GPRC6A: variants seen among roughly 807,000 people sequenced by gnomAD.
The protein encoded by GPRC6A is G protein-coupled receptor family C group 6 member A.
GPRC6A carries 54 observed loss-of-function variants against 47.0 expected under a neutral mutation model. The ratio of observed to expected loss-of-function variants is 1.15; its 90% CI spans 0.92 to 1.44. The LOEUF (loss-of-function observed/expected upper bound fraction) is 1.44, where lower values mean the gene tolerates loss of function less well. Among genes scored for constraint, GPRC6A ranks in the 40% most tolerant of loss-of-function variants. The probability of loss-of-function intolerance (pLI) is 0.00; values close to 1 mark genes in which losing one functional copy is unlikely to be tolerated. For synonymous variants in GPRC6A, 347 were observed against 377.1 expected (o/e 0.92, Z 0.93); for missense variants, 1,112 against 1,105.5 (o/e 1.01, Z -0.08).
At chr6:116,820,189 C>A (rs1773411350) in intron 1 of GPRC6A, among the ~76,000 whole-genome samples, 1 of 151,856 alleles carries the variant, frequency 6.6e-6, no homozygotes. Context: ...AGACCAATAA[C>A]AGGATCTGAA....
At chr6:116,823,128 C>G (rs1461450517) in intron 1 of GPRC6A, among the ~76,000 whole-genome samples, 1 of 152,040 alleles carries the variant, frequency 6.6e-6, no homozygotes, top group East Asian at 1.9e-4. Flanking sequence ...TTTTCTAACA[C>G]ATGGCTGGGC....
chr6:116,825,395 A>T (rs1190069194), intron 1 of GPRC6A, among the ~76,000 whole-genome samples: 2 of 152,030 alleles, frequency 1.3e-5, no homozygotes, highest in Non-Finnish European at 2.9e-5. Flanking sequence ...AAGTTGCAGG[A>T]TACAATATCA....
At chr6:116,797,894 T>C (rs1772538698) in intron 4 of GPRC6A, among the ~76,000 whole-genome samples, 1 of 152,190 alleles carries the variant, frequency 6.6e-6, no homozygotes, top group African/African-American at 2.4e-5. Context: ...AATGGCTACG[T>C]TTCTGTCTTT....
intron 1 of GPRC6A, among the ~76,000 whole-genome samples, chr6:116,820,847 A>G (rs1199144114): frequency 1.1e-4 from 17 of 151,038 alleles, no homozygotes; most frequent in African/African-American, 4.1e-4. Flanking sequence ...TAGTGTTGGA[A>G]GTTCTGGCCA....
At chr6:116,818,005 T>C (rs1448962777) in intron 1 of GPRC6A, among the ~76,000 whole-genome samples, 48 of 151,956 alleles carry the variant, frequency 3.2e-4, no homozygotes, top group African/African-American at 5.1e-4. Flanking sequence ...GGCAGGCCAA[T>C]GTTCAGATTC....
intron 1 of GPRC6A, among the ~76,000 whole-genome samples, chr6:116,815,397 C>A (rs138054812): frequency 6.6e-6 from 1 of 152,156 alleles, no homozygotes; most frequent in African/African-American, 2.4e-5. Flanking sequence ...GTGGAAGGAT[C>A]GCTTGAACCC....
Position 116,807,163 on chromosome 6 carries a change from C to A in GPRC6A, c.542G>T (p.Arg181Leu), listed in dbSNP as rs200835880. ...STAEILSDKI[R>L]FPSFLRTVPS... ...CACAGTCCGTAAAAATGAAGGAAAG[C>A]GAATTTTGTCACTCAGGATTTCTGC... Residue 181 changes from arginine to leucine, a missense_variant, in exon 3 of 6, where the codon CGC (arginine) becomes CTC (leucine). Physicochemically the swap from Arg to Leu is moderately radical, Grantham distance 102. Coordinates refer to ENST00000310357, the MANE Select transcript of GPRC6A (RefSeq NM_148963.4). The A allele has an allele frequency of 1.9e-6, 3 of 1,613,156 alleles. No homozygotes were observed. The highest frequency in any genetic ancestry group is 1.3e-5 in the African/African-American group (1 of 74,984).
intron 3 of GPRC6A, among the ~76,000 whole-genome samples, chr6:116,805,549 T>C (rs1448748121): frequency 6.6e-6 from 1 of 152,104 alleles, no homozygotes; most frequent in Non-Finnish European, 1.5e-5. Context: ...CATTTATTTC[T>C]AATAAGTAAA....
rs1347204715 is a variant in GPRC6A, at chr6:116,795,699, T to G, written c.1672+13A>C. 5 of 1,599,288 alleles carry G rather than the reference T, an allele frequency of 3.1e-6. No individual in the cohort carries two copies. Among genetic ancestry groups the G allele is most frequent in the Non-Finnish European group, 4.3e-6 (5 of 1,170,894 alleles). ...AGGAATGATTCAGGTGTATGTGGAG[T>G]GACTGTGATTACCTGTCTGATTAGT... On this transcript the variant is annotated intron_variant, in intron 5 of 5. Coordinates refer to ENST00000310357, the MANE Select transcript of GPRC6A (RefSeq NM_148963.4).
chr6:116,813,878 CT>C (rs1366565625), intron 1 of GPRC6A, among the ~76,000 whole-genome samples: 1 of 152,174 alleles, frequency 6.6e-6, no homozygotes, highest in Middle Eastern at 3.2e-3. Context: ...GGGCTAATAT[CT>C]AGAATCTACA....
chr6:116,817,479 C>T (rs565051974), intron 1 of GPRC6A, among the ~76,000 whole-genome samples: 7 of 152,142 alleles, frequency 4.6e-5, no homozygotes, highest in African/African-American at 1.7e-4. Flanking sequence ...AAGCAGAGCA[C>T]CTCTCCTCCT....
At chr6:116,825,966 G>A (rs75522241) in intron 1 of GPRC6A, among the ~76,000 whole-genome samples, 10 of 151,648 alleles carry the variant, frequency 6.6e-5, no homozygotes, top group East Asian at 1.9e-4. Context: ...TCAATAAATC[G>A]TACAGGGAAA....
chr6:116,793,638 G>C (rs1002663254), intron 5 of GPRC6A, among the ~76,000 whole-genome samples: 5 of 152,106 alleles, frequency 3.3e-5, no homozygotes, highest in Admixed American at 3.3e-4. Context: ...TATAATTCCT[G>C]TAAACTTGAA....
chr6:116,795,475 A>G (rs965750916), intron 5 of GPRC6A, among the ~76,000 whole-genome samples: 3 of 152,098 alleles, frequency 2.0e-5, no homozygotes, highest in Non-Finnish European at 4.4e-5. Flanking sequence ...AAGCGATAAC[A>G]TTTTCCCTTG....
intron 1 of GPRC6A, 107 bp downstream of exon 1, chr6:116,828,713 G>GA: frequency 1.1e-6 from 1 of 911,254 alleles, no homozygotes; most frequent in Non-Finnish European, 1.6e-6. Flanking sequence ...AAATACATAT[G>GA]AGTTTATTTT....
rs1340201114 is a variant in GPRC6A, at chr6:116,829,029, G to T, written c.-16C>A. The T allele has an allele frequency of 6.2e-7, 1 of 1,604,258 alleles. No individual in the cohort carries two copies. Among genetic ancestry groups the T allele is most frequent in the Non-Finnish European group, 8.5e-7 (1 of 1,174,778 alleles). On this transcript the variant is annotated 5_prime_UTR_variant, in exon 1 of 6. Transcript: ENST00000310357. ...AGAATGCCATGTTTCTATCTCATTT[G>T]CTCAGTTCATGTGAGTTCTTAGGAA...
At chr6:116,794,550 G>C (rs566852769) in intron 5 of GPRC6A, among the ~76,000 whole-genome samples, 3 of 152,244 alleles carry the variant, frequency 2.0e-5, no homozygotes, top group African/African-American at 7.2e-5. Context: ...AGAAAACCCA[G>C]ATACAGCCTT....
At position 116,793,190 on chromosome 6, in the gene GPRC6A, A is replaced by G. The variant is rs1450574065; in HGVS notation, c.1733T>C (p.Met578Thr). Residue 578 changes from methionine to threonine, a missense_variant, in exon 6 of 6, where the codon ATG (methionine) becomes ACG (threonine). By Grantham distance (81) the Met-to-Thr change is moderately conservative. Transcript: ENST00000310357. ...ATATTCCACTTCCTTTTCAAAGCAC[A>G]TAGTGCTCCTAACAGGGGCCCAGTG... ...KTHWAPVRST[M>T]CFEKEVEYLN... 12 of 1,612,050 alleles carry G rather than the reference A, an allele frequency of 7.4e-6. No individual in the cohort carries two copies. Among genetic ancestry groups the G allele is most frequent in the Non-Finnish European group, 9.3e-6 (11 of 1,178,640 alleles).
At chr6:116,796,879 T>C (rs903546289) in intron 4 of GPRC6A, among the ~76,000 whole-genome samples, 3 of 152,112 alleles carry the variant, frequency 2.0e-5, no homozygotes, top group African/African-American at 7.2e-5. Flanking sequence ...AAGGATTTTA[T>C]TTATTTATTT....
Sources: gnomAD v4.1 joint callset for allele counts (sites outside exome capture counted in the v4.1 genomes callset) on GRCh38, gnomAD v4.1.1 for gene constraint, MANE v1.5 for transcripts, NCBI Gene and HGNC (gene_info 2026-07-23, HGNC 2026-07-21) for gene names.